NLRP9: variants seen among roughly 807,000 people sequenced by gnomAD.
NLRP9 encodes NACHT, LRR and PYD domains-containing protein 9.
Under a neutral mutation model 83.1 loss-of-function variants are expected in NLRP9, and 88 were observed. The ratio of observed to expected loss-of-function variants is 1.06; its 90% CI spans 0.89 to 1.26. The LOEUF (loss-of-function observed/expected upper bound fraction) is 1.26. NLRP9 is among the 50% of genes most tolerant of loss of function. NLRP9 has a pLI of 0.00. For synonymous variants in NLRP9, 521 were observed against 447.6 expected (o/e 1.16, Z -2.07); for missense variants, 1,308 against 1,179.3 (o/e 1.11, Z -1.60).
intron 8 of NLRP9, among the ~76,000 whole-genome samples, chr19:55,710,096 T>C (rs1987648445): frequency 6.6e-6 from 1 of 152,174 alleles, no homozygotes; most frequent in Admixed American, 6.6e-5. Flanking sequence ...GATGGCTAAG[T>C]TTCCTTTCAG....
intron 6 of NLRP9, 73 bp downstream of exon 6, chr19:55,714,971 ATATCCCTTTCC>A: frequency 7.7e-7 from 1 of 1,297,050 alleles, no homozygotes; most frequent in Admixed American, 2.1e-5. Context: ...AGATGCTAGC[ATATCCCTTTCC>A]TATGTCTTTC....
intron 8 of NLRP9, among the ~76,000 whole-genome samples, chr19:55,710,114 G>A (rs1044898549): frequency 1.3e-5 from 2 of 152,126 alleles, no homozygotes; most frequent in South Asian, 2.1e-4. Context: ...CAGCTACAGC[G>A]ACACTATGAG....
chr19:55,721,857 G>A (rs56212623), intron 4 of NLRP9, among the ~76,000 whole-genome samples: 3,191 of 152,234 alleles, frequency 0.021, 46 homozygotes, highest in Non-Finnish European at 0.032. Context: ...CTTGTCTGCC[G>A]CCATGTGAGA....
chr19:55,710,438 G>A (rs1007014972), intron 8 of NLRP9, among the ~76,000 whole-genome samples: 4 of 152,008 alleles, frequency 2.6e-5, no homozygotes, highest in Admixed American at 6.6e-5. Flanking sequence ...TTCGTGATAT[G>A]GTTTGAATCT....
intron 3 of NLRP9, among the ~76,000 whole-genome samples, chr19:55,729,026 T>C (rs114010289): frequency 0.017 from 2,523 of 151,014 alleles, 83 homozygotes; most frequent in African/African-American, 0.059. Flanking sequence ...ATGCTACCAT[T>C]ATGCTTATCT....
chr19:55,733,919 A>AATTTT (rs1555796186), intron 1 of NLRP9, among the ~76,000 whole-genome samples: 2 of 117,872 alleles, frequency 1.7e-5, no homozygotes, highest in Non-Finnish European at 3.4e-5. Context: ...TGTCAACCAA[A>AATTTT]TTTTTTTTTT....
At chr19:55,736,886 A>G (rs1447263721) in intron 1 of NLRP9, among the ~76,000 whole-genome samples, 1 of 152,004 alleles carries the variant, frequency 6.6e-6, no homozygotes, top group Non-Finnish European at 1.5e-5. Context: ...ACAGCAAGCA[A>G]CTCCAAACCA....
intron 2 of NLRP9, among the ~76,000 whole-genome samples, chr19:55,730,940 A>G (rs16986488): frequency 0.018 from 2,674 of 152,268 alleles, 84 homozygotes; most frequent in African/African-American, 0.061. Context: ...AAAAAAAGAA[A>G]GTGGATCCTG....
chr19:55,736,847 A>G (rs1988798007), intron 1 of NLRP9, among the ~76,000 whole-genome samples: 2 of 112,964 alleles, frequency 1.8e-5, no homozygotes, highest in South Asian at 3.5e-4. Flanking sequence ...AAAATAAAAC[A>G]AAAACAAAAA....
At chr19:55,729,044 C>CTTTT (rs199974942) in intron 3 of NLRP9, among the ~76,000 whole-genome samples, 8 of 98,236 alleles carry the variant, frequency 8.1e-5, no homozygotes, top group African/African-American at 3.0e-4. Flanking sequence ...TCTTATTTTT[C>CTTTT]TTTTTCTTTT....
intron 3 of NLRP9, among the ~76,000 whole-genome samples, chr19:55,725,293 T>C (rs1988366213): frequency 6.6e-6 from 1 of 152,184 alleles, no homozygotes; most frequent in South Asian, 2.1e-4. Context: ...AATATGTATT[T>C]ATTAGCCTGA....
intron 4 of NLRP9, among the ~76,000 whole-genome samples, chr19:55,718,688 A>T (rs1988117011): frequency 6.6e-6 from 1 of 152,206 alleles, no homozygotes; most frequent in East Asian, 1.9e-4. Flanking sequence ...CCTCGCCAAG[A>T]TAGTAAAAAT....
chr19:55,731,459 T>C (rs1234251843), intron 2 of NLRP9, among the ~76,000 whole-genome samples: 2 of 151,746 alleles, frequency 1.3e-5, no homozygotes, highest in Non-Finnish European at 2.9e-5. Context: ...CGCGGTGGCT[T>C]ATGCTTGTAA....
intron 3 of NLRP9, among the ~76,000 whole-genome samples, chr19:55,727,139 C>G (rs750304114): frequency 1.4e-4 from 22 of 152,130 alleles, no homozygotes; most frequent in Non-Finnish European, 1.8e-4. Flanking sequence ...GTAATCTCAG[C>G]TACTTGGGAG....
intron 6 of NLRP9, among the ~76,000 whole-genome samples, chr19:55,714,182 G>A (rs111443874): frequency 0.014 from 2,060 of 151,950 alleles, 26 homozygotes; most frequent in Non-Finnish European, 0.02. Flanking sequence ...TGAGTCTCAC[G>A]CTCTGACTGT....
intron 4 of NLRP9, among the ~76,000 whole-genome samples, chr19:55,720,008 A>G (rs1988174466): frequency 6.6e-6 from 1 of 152,226 alleles, no homozygotes; most frequent in Non-Finnish European, 1.5e-5. Flanking sequence ...AACAAAAGAA[A>G]GAAAACAGTG....
chr19:55,708,476 A>C lies in NLRP9; in HGVS notation c.*436T>G, dbSNP rs776731006. The C allele has an allele frequency of 1.3e-5, 2 of 153,090 alleles. No individual in the cohort carries two copies. Among genetic ancestry groups the C allele is most frequent in the Non-Finnish European group, 2.9e-5 (2 of 68,666 alleles). 9.5% of individuals were successfully genotyped at this position (153,090 alleles called of 1,614,324 possible). Reference sequence around the variant, plus strand: ...TTTTATTGGACAAGAAAATTGATCAAATCGAAATCTGGACAAACTAGAAAG... The same window carrying C: ...TTTTATTGGACAAGAAAATTGATCACATCGAAATCTGGACAAACTAGAAAG... On this transcript the variant is annotated 3_prime_UTR_variant, in exon 9 of 9. Coordinates refer to ENST00000332836, the MANE Select transcript of NLRP9 (RefSeq NM_176820.4).
intron 4 of NLRP9, 138 bp from the exon 5 acceptor site, chr19:55,717,036 T>C (rs1988049207): frequency 2.2e-6 from 1 of 454,662 alleles, no homozygotes; most frequent in East Asian, 3.9e-5. Context: ...TCTTTTTCTT[T>C]TTTTTTTTTT....
At chr19:55,717,137 G>T (rs1377875806) in intron 4 of NLRP9, among the ~76,000 whole-genome samples, 1 of 149,222 alleles carries the variant, frequency 6.7e-6, no homozygotes, top group Non-Finnish European at 1.5e-5. Context: ...GGGTTCAAAT[G>T]ATTCTCCTGC....
Sources: gnomAD v4.1 joint callset for allele counts (sites outside exome capture counted in the v4.1 genomes callset) on GRCh38, gnomAD v4.1.1 for gene constraint, MANE v1.5 for transcripts, NCBI Gene and HGNC (gene_info 2026-07-23, HGNC 2026-07-21) for gene names.